CCDC122: variants seen among roughly 807,000 people sequenced by gnomAD.
CCDC122 encodes the protein coiled-coil domain containing 122, also known as coiled-coil domain-containing protein 122.
A neutral mutation model predicts 37.0 loss-of-function variants in CCDC122; 38 were observed. The ratio of observed to expected loss-of-function variants is 1.03; its 90% CI spans 0.79 to 1.35. The LOEUF is 1.35. Ranked by LOEUF, CCDC122 falls within the 40% of genes most tolerant of loss-of-function variation. CCDC122 has a pLI of 0.00. For synonymous variants in CCDC122, 83 were observed against 95.6 expected, an observed-to-expected ratio of 0.87 and a Z score of 0.77; for missense variants, 305 against 310.0, an observed-to-expected ratio of 0.98 and a Z score of 0.12.
In CCDC122 at chr13:43,859,838, G is replaced by A. The variant is rs760711783; in HGVS notation, c.389C>T (p.Ala130Val). ...EHMIKYNAYY[A>V]KIKAHKNSLG... ...ACTATTTTTATGTGCTTTTATTTTT[G>A]CATAATATGCATTATATTTTATCAT... The change falls in exon 5 of 7, where the codon GCA (alanine) becomes GTA (valine). Residue 130 changes from alanine to valine, a missense_variant. Coordinates refer to ENST00000444614, the MANE Select transcript of CCDC122 (RefSeq NM_144974.5). 6 of 1,606,100 alleles carry A rather than the reference G, an allele frequency of 3.7e-6. No individual in the cohort carries two copies. In the South Asian group the frequency reaches 5.6e-5, roughly 15 times the overall value.
intron 4 of CCDC122, among the ~76,000 whole-genome samples, 200 bp downstream of exon 4, chr13:43,868,494 T>C (rs1173811920): frequency 1.3e-5 from 2 of 152,104 alleles, no homozygotes; most frequent in East Asian, 3.8e-4. Flanking sequence ...TGCAATGACA[T>C]TGTTGAATCT....
chr13:43,855,687 CA>C (rs750611935), intron 6 of CCDC122: 1 of 144,298 alleles, frequency 6.9e-6, no homozygotes, highest in Non-Finnish European at 1.5e-5. Context: ...AAAAATAAAA[CA>C]AAACAAACAA....
downstream of CCDC122, among the ~76,000 whole-genome samples, chr13:43,836,042 T>TA (rs1182104976): frequency 6.6e-6 from 1 of 152,238 alleles, no homozygotes; most frequent in Non-Finnish European, 1.5e-5. Flanking sequence ...CAGCTCCACT[T>TA]ACTGAATTTT....
intron 2 of CCDC122, among the ~76,000 whole-genome samples, chr13:43,872,310 C>T (rs1470133988): frequency 6.6e-6 from 1 of 152,038 alleles, no homozygotes; most frequent in East Asian, 1.9e-4. Context: ...GTCCTAATTC[C>T]CTGGAAGAAT....
intron 2 of CCDC122, among the ~76,000 whole-genome samples, chr13:43,870,703 C>A (rs772646489): frequency 6.6e-5 from 10 of 150,938 alleles, no homozygotes; most frequent in African/African-American, 2.2e-4. Flanking sequence ...TTACAATGTT[C>A]ATTTTACAAA....
chr13:43,872,092 T>C (rs1026733001), intron 2 of CCDC122, among the ~76,000 whole-genome samples: 3 of 152,042 alleles, frequency 2.0e-5, no homozygotes, highest in Non-Finnish European at 4.4e-5. Flanking sequence ...CTCTACCTTA[T>C]CCATAATCTC....
At chr13:43,822,284 C>T (rs1051743823), downstream of CCDC122, among the ~76,000 whole-genome samples, 6 of 152,206 alleles carry the variant, frequency 3.9e-5, no homozygotes, top group Non-Finnish European at 7.3e-5. Flanking sequence ...TGTTCTTTTC[C>T]CTCACTTTCC....
chr13:43,829,437 C>T (rs1454095013), intron 3 of CCDC122, among the ~76,000 whole-genome samples: 1 of 152,084 alleles, frequency 6.6e-6, no homozygotes, highest in East Asian at 1.9e-4. Flanking sequence ...TCCTGAGTAG[C>T]TGAGACTACA....
intron 3 of CCDC122, among the ~76,000 whole-genome samples, chr13:43,825,638 T>C (rs958915848): frequency 3.9e-5 from 6 of 152,040 alleles, no homozygotes; most frequent in African/African-American, 1.4e-4. Context: ...GGCGTGGTGG[T>C]GTGCGCTTGT....
At chr13:43,869,028 T>G (rs551733594) in intron 3 of CCDC122, among the ~76,000 whole-genome samples, 1 of 152,172 alleles carries the variant, frequency 6.6e-6, no homozygotes, top group East Asian at 1.9e-4. Context: ...CCCGTTCCTC[T>G]ACGGAACAGT....
chr13:43,820,739 T>G (rs1952987264), downstream of CCDC122, among the ~76,000 whole-genome samples: 1 of 152,192 alleles, frequency 6.6e-6, no homozygotes, highest in Non-Finnish European at 1.5e-5. Context: ...AGCAGAATTT[T>G]TCTTCATATA....
At chr13:43,857,916 A>T (rs940115843) in intron 6 of CCDC122, among the ~76,000 whole-genome samples, 6 of 152,100 alleles carry the variant, frequency 3.9e-5, no homozygotes, top group African/African-American at 1.4e-4. Context: ...AATAAAGAAA[A>T]AATAATAATA....
chr13:43,822,127 C>A (rs1016110939), downstream of CCDC122, among the ~76,000 whole-genome samples: 2 of 152,162 alleles, frequency 1.3e-5, no homozygotes, highest in African/African-American at 4.8e-5. Flanking sequence ...TTGTGCCCCT[C>A]CTTCTTGGGA....
At chr13:43,826,380 G>A (rs1277137548) in intron 3 of CCDC122, among the ~76,000 whole-genome samples, 1 of 152,098 alleles carries the variant, frequency 6.6e-6, no homozygotes, top group Admixed American at 6.6e-5. Flanking sequence ...TTTGATATAT[G>A]GGATATTAAA....
At chr13:43,822,614 G>C (rs1283466864), downstream of CCDC122, among the ~76,000 whole-genome samples, 1 of 152,208 alleles carries the variant, frequency 6.6e-6, no homozygotes, top group Non-Finnish European at 1.5e-5. Flanking sequence ...TTTACCTGAT[G>C]TTCTATTCTA....
intron 3 of CCDC122, among the ~76,000 whole-genome samples, chr13:43,829,366 T>C (rs1418438605): frequency 2.0e-5 from 3 of 152,142 alleles, no homozygotes; most frequent in Non-Finnish European, 4.4e-5. Flanking sequence ...AGTACAGTGG[T>C]GCGATCTCGG....
intron 6 of CCDC122, among the ~76,000 whole-genome samples, chr13:43,838,217 T>C (rs921425002): frequency 6.6e-6 from 1 of 152,202 alleles, no homozygotes; most frequent in African/African-American, 2.4e-5. Context: ...TAAAGTTTTA[T>C]ATTTATCAAA....
rs541538921 is a variant in CCDC122 at position 43,861,826 on chromosome 13, CAT to C, written c.157-1758_157-1757del. Among the ~76,000 whole-genome samples, 43 of 152,262 alleles carry C rather than the reference CAT, an allele frequency of 2.8e-4. No individual in the cohort carries two copies. The East Asian group carries it at 8.3e-3, about 29-fold the overall frequency. ...AAAAAAGTTTAATTTACACACCAAA[CAT>C]ATTCCTCCCCCAGACTTTCTGATTT... On this transcript the variant is annotated intron_variant, in intron 4 of 6. Transcript: ENST00000444614.
Position 43,868,724 on chromosome 13 carries a change from TTCTATC to T in CCDC122, c.120_125del (p.Ile41_Glu42del). ...AATTGAACAGAACCTTTTTGTTTTT[TTCTATC>T]TCTGATGCTTGTGATTGTTGTTGCT... is the stretch of plus-strand genomic sequence containing the variant. On this transcript the variant is annotated inframe_deletion, in exon 4 of 7. Coordinates refer to ENST00000444614, the MANE Select transcript of CCDC122 (RefSeq NM_144974.5). The T allele has an allele frequency of 6.4e-7, 1 of 1,560,914 alleles. No homozygotes were observed. The highest frequency in any genetic ancestry group is 8.7e-7 in the Non-Finnish European group (1 of 1,153,442).
Sources: gnomAD v4.1 joint callset for allele counts (sites outside exome capture counted in the v4.1 genomes callset) on GRCh38, gnomAD v4.1.1 for gene constraint, MANE v1.5 for transcripts, NCBI Gene and HGNC (gene_info 2026-07-23, HGNC 2026-07-21) for gene names.